The following CTBP1 variants were observed in gnomAD, a reference collection of about 807,000 sequenced individuals.
The protein encoded by CTBP1 is C-terminal binding protein 1, also known as C-terminal-binding protein 1.
A neutral mutation model predicts 42.1 loss-of-function variants in CTBP1; 11 were observed. That is an observed-to-expected ratio of 0.26 (90% CI 0.16 to 0.43). CTBP1 has a LOEUF of 0.43. CTBP1 is among the 20% of genes least tolerant of loss of function. CTBP1 has a pLI of 1.00. For synonymous variants in CTBP1, 324 were observed against 277.1 expected, an observed-to-expected ratio of 1.17 and a Z score of -1.68; for missense variants, 399 against 624.3, an observed-to-expected ratio of 0.64 and a Z score of 3.85.
chr4:1,216,018 G>A lies in CTBP1; in HGVS notation c.702C>T (p.His234=). 1 of 1,611,420 alleles carries A rather than the reference G, an allele frequency of 6.2e-7. No homozygotes were observed. The highest frequency in any genetic ancestry group is 1.3e-5 in the African/African-American group (1 of 75,012). The change falls in exon 6 of 10, where the codon CAC becomes CAT. Residue 234 remains histidine, a synonymous_variant. Coordinates refer to ENST00000382952, the MANE Select transcript of CTBP1 (RefSeq NM_001012614.2). ...LHCGLNEHNH[H]LINDFTVKQM... ...GCTTGACGGTGAAGTCGTTGATGAG[G>A]TGGTGGTTGTGCTCGTTGAGGCCGC...
chr4:1,239,394 G>T lies in CTBP1; in HGVS notation c.8-1057C>A, dbSNP rs3755936. ...GCCACAGGAGACCAAGCAGTACCCA[G>T]GACCGTTCGGCCAGCAGGAGGGGAG... is the stretch of plus-strand genomic sequence containing the variant. On this transcript the variant is annotated intron_variant, in intron 2 of 9. Coordinates refer to ENST00000382952, the MANE Select transcript of CTBP1 (RefSeq NM_001012614.2). Among the ~76,000 whole-genome samples, 5 of 152,264 alleles carry T rather than the reference G, an allele frequency of 3.3e-5. No individual in the cohort carries two copies. In the East Asian group the frequency reaches 9.7e-4, roughly 29 times the overall value.
In CTBP1 at chr4:1,224,302, C is replaced by T. The variant is rs149225849; in HGVS notation, c.514+1058G>A. On this transcript the variant is annotated intron_variant, in intron 5 of 9. Transcript: ENST00000382952. Reference sequence around the variant, plus strand: ...GCTGTGACATCTGTATGTCCCCGTGCGGCCCATGTGTGTGCTGCGATGTCC... The same window carrying T: ...GCTGTGACATCTGTATGTCCCCGTGTGGCCCATGTGTGTGCTGCGATGTCC... Among the ~76,000 whole-genome samples the T allele has an allele frequency of 8.6e-5, 13 of 151,690 alleles. No homozygotes were observed. The Middle Eastern group carries it at 0.01, about 121-fold the overall frequency.
chr4:1,244,337 A>T (rs1732496548), intron 1 of CTBP1: 3 of 951,990 alleles, frequency 3.2e-6, no homozygotes, highest in African/African-American at 3.8e-5. Context: ...AGACAGCCAC[A>T]GTGGGTCTCT....
chr4:1,244,330 C>G (rs892075682), intron 1 of CTBP1: 1 of 980,046 alleles, frequency 1.0e-6, no homozygotes, highest in Non-Finnish European at 1.2e-6. Context: ...CCGATCCAGA[C>G]AGCCACAGTG....
At chr4:1,243,029 T>C (rs899363402) in intron 1 of CTBP1, 1 of 985,326 alleles carries the variant, frequency 1.0e-6, no homozygotes, top group Non-Finnish European at 1.2e-6. Context: ...AACTCATTGA[T>C]ACGGGCCAAT....
intron 5 of CTBP1, among the ~76,000 whole-genome samples, chr4:1,219,245 C>T (rs761038774): frequency 1.6e-4 from 25 of 152,072 alleles, no homozygotes; most frequent in Admixed American, 1.4e-3. Context: ...CTAACTACTT[C>T]GGAGGCTAAG....
chr4:1,242,357 G>A (rs1423300227), intron 1 of CTBP1: 2 of 985,312 alleles, frequency 2.0e-6, no homozygotes, highest in African/African-American at 3.5e-5. Context: ...ACATCAGGCT[G>A]ACCAGGACAG....
chr4:1,224,414 T>A (rs1480166808), intron 5 of CTBP1, among the ~76,000 whole-genome samples: 1 of 151,368 alleles, frequency 6.6e-6, no homozygotes, highest in Non-Finnish European at 1.5e-5. Context: ...ATGTGTGCTG[T>A]GTGAGGCTGT....
At chr4:1,244,417 C>G in intron 1 of CTBP1, 3 of 985,040 alleles carry the variant, frequency 3.0e-6, no homozygotes, top group Non-Finnish European at 3.6e-6. Flanking sequence ...AAGCAGCTAC[C>G]CCTGTTCCTT....
chr4:1,239,137 T>A (rs1309415186), intron 2 of CTBP1, among the ~76,000 whole-genome samples: 1 of 152,200 alleles, frequency 6.6e-6, no homozygotes, highest in Non-Finnish European at 1.5e-5. Flanking sequence ...TGATTAAAGC[T>A]CATTAACACC....
rs996813393 is a variant in CTBP1 at position 1,238,552 on chromosome 4, G to A, written c.8-215C>T. 6.6e-6 allele frequency among the ~76,000 whole-genome samples: 1 copy of A among 151,938 alleles called. No homozygotes were observed. Among genetic ancestry groups the A allele is most frequent in the Non-Finnish European group, 1.5e-5 (1 of 67,984 alleles). Reference sequence around the variant, plus strand: ...GCTGACTCAAGTGGACACAGACTGTGGACACCCACTACCATCTCCCTTGGG... The same window carrying A: ...GCTGACTCAAGTGGACACAGACTGTAGACACCCACTACCATCTCCCTTGGG... On this transcript the variant is annotated intron_variant, in intron 2 of 9. Coordinates refer to ENST00000382952, the MANE Select transcript of CTBP1 (RefSeq NM_001012614.2). The surrounding 1 kb of genome is among the most constrained non-coding windows in gnomAD (Gnocchi z 5.9).
intron 4 of CTBP1, among the ~76,000 whole-genome samples, chr4:1,227,728 TTC>T (rs1393052747): frequency 5.9e-5 from 9 of 151,774 alleles, no homozygotes; most frequent in Non-Finnish European, 1.3e-4. Flanking sequence ...TCCGTGTGTG[TTC>T]TGTGTGCTGA....
chr4:1,242,403 G>A (rs1306467199), intron 1 of CTBP1: 5 of 985,300 alleles, frequency 5.1e-6, no homozygotes, highest in Non-Finnish European at 6.0e-6. Flanking sequence ...CATGGCAGGC[G>A]TGGGCTGAGA....
intron 5 of CTBP1, 56 bp downstream of exon 5, chr4:1,225,304 G>A: frequency 6.7e-7 from 1 of 1,499,768 alleles, no homozygotes. Context: ...CACAGCTGAA[G>A]AGCGGCAGCG....
At chr4:1,248,679 G>C in intron 1 of CTBP1, 1 of 983,014 alleles carries the variant, frequency 1.0e-6, no homozygotes, top group African/African-American at 1.8e-5. Flanking sequence ...GCCGCGGGCG[G>C]GGAGAGCAGA....
intron 1 of CTBP1, chr4:1,248,589 G>A (rs978467947): frequency 1.0e-5 from 8 of 789,352 alleles, no homozygotes; most frequent in Non-Finnish European, 1.2e-5. Context: ...TCCCGGGTCC[G>A]ACGGGGCTGG....
chr4:1,212,607 A>G, intron 9 of CTBP1, 184 bp from the exon 10 acceptor site: 1 of 627,722 alleles, frequency 1.6e-6, no homozygotes, highest in Non-Finnish European at 2.7e-6. Flanking sequence ...TGGGGAGGGG[A>G]GCCCTGGTGT....
At chr4:1,215,865 C>A in intron 6 of CTBP1, 126 bp downstream of exon 6, 2 of 1,043,556 alleles carry the variant, frequency 1.9e-6, no homozygotes, top group Non-Finnish European at 2.8e-6. Flanking sequence ...TGGCAGCCGC[C>A]GCCATGTGGC....
At chr4:1,214,315 A>AG (rs761945570) in intron 7 of CTBP1, 28 bp downstream of exon 7, 24 of 1,527,152 alleles carry the variant, frequency 1.6e-5, no homozygotes, top group Middle Eastern at 1.7e-4. Flanking sequence ...AGGGAAGAGC[A>AG]GGGGGGCGGC....
Sources: gnomAD v4.1 joint callset for allele counts (sites outside exome capture counted in the v4.1 genomes callset) on GRCh38, gnomAD v4.1.1 for gene constraint, Gnocchi (gnomAD v3.1) non-coding constraint, MANE v1.5 for transcripts, NCBI Gene and HGNC (gene_info 2026-07-23, HGNC 2026-07-21) for gene names.